The following ZFHX3 variants were observed in gnomAD, a reference collection of about 807,000 sequenced individuals.
ZFHX3 encodes the protein zinc finger homeobox 3.
Under a neutral mutation model 279.1 loss-of-function variants are expected in ZFHX3, and 42 were observed. The observed-to-expected ratio is 0.15, with a 90% CI of 0.12 to 0.19. ZFHX3 has a LOEUF of 0.19. Ranked by LOEUF, ZFHX3 falls within the 10% of genes least tolerant of loss-of-function variation. The pLI, the probability that ZFHX3 is intolerant of heterozygous loss-of-function variation, is 1.00. For missense variants in ZFHX3, 4,981 were observed against 4,754.0 expected, an observed-to-expected ratio of 1.05 and a Z score of -1.40; for synonymous variants, 2,293 against 1,957.8, an observed-to-expected ratio of 1.17 and a Z score of -4.52.
intron 3 of ZFHX3, among the ~76,000 whole-genome samples, chr16:73,427,929 C>T (rs549784332): frequency 5.9e-5 from 9 of 152,098 alleles, no homozygotes; most frequent in East Asian, 1.9e-4. Flanking sequence ...GGCGACAGAG[C>T]GAGACTCTGT....
chr16:73,435,006 T>C lies in ZFHX3; in HGVS notation c.-1291+20997A>G, dbSNP rs555947807. On this transcript the variant is annotated intron_variant, in intron 3 of 17. Transcript: ENST00000641206. ...CAGGAAGTAAATAGGACTCAATACATGTTATCAGTGATATTATGATGTTAT... is the reference window on the plus strand; with the variant it reads ...CAGGAAGTAAATAGGACTCAATACACGTTATCAGTGATATTATGATGTTAT... Among the ~76,000 whole-genome samples the C allele has an allele frequency of 2.7e-3, 407 of 152,184 alleles. 1 individual carries two copies. The highest frequency in any genetic ancestry group is 9.0e-3 in the African/African-American group (373 of 41,518).
Position 72,889,951 on chromosome 16 carries a change from C to G in ZFHX3, c.3228G>C (p.Gln1076His), listed in dbSNP as rs1453668607. 1 of 1,613,414 alleles carries G rather than the reference C, an allele frequency of 6.2e-7. No homozygotes were observed. ...ASLKLYKHLQ[Q>H]HESGVEGESC... ...TCTCACCTTCTACACCACTCTCATGCTGCTGCAGGTGCTGCAAGTAACAAA... is the reference window on the plus strand; with the variant it reads ...TCTCACCTTCTACACCACTCTCATGGTGCTGCAGGTGCTGCAAGTAACAAA... Residue 1076 changes from glutamine to histidine, a missense_variant, in exon 4 of 10, where the codon CAG becomes CAC. By Grantham distance (24) the Gln-to-His change is conservative. Transcript: ENST00000268489.
intron 1 of ZFHX3, among the ~76,000 whole-genome samples, chr16:73,720,763 T>C (rs1448563149): frequency 6.6e-6 from 1 of 152,222 alleles, no homozygotes; most frequent in Non-Finnish European, 1.5e-5. Flanking sequence ...AGTGAGCCAT[T>C]TCTTTCAACA....
intron 5 of ZFHX3, among the ~76,000 whole-genome samples, chr16:73,243,726 A>G (rs373167306): frequency 1.3e-5 from 2 of 151,438 alleles, no homozygotes; most frequent in African/African-American, 4.9e-5. Context: ...ACAAATACAC[A>G]TAAGTATCCA....
intron 1 of ZFHX3, among the ~76,000 whole-genome samples, chr16:73,804,252 A>T (rs1277541231): frequency 6.6e-6 from 1 of 152,246 alleles, no homozygotes; most frequent in Non-Finnish European, 1.5e-5. Context: ...CTATACACAT[A>T]ATTATATATT....
At chr16:73,518,861 C>A (rs977253237) in intron 2 of ZFHX3, among the ~76,000 whole-genome samples, 1 of 152,130 alleles carries the variant, frequency 6.6e-6, no homozygotes, top group Non-Finnish European at 1.5e-5. Context: ...CATGTCTTCC[C>A]AGCTAAACAG....
intron 2 of ZFHX3, among the ~76,000 whole-genome samples, chr16:73,496,475 G>A (rs1026987308): frequency 2.0e-5 from 3 of 152,318 alleles, no homozygotes; most frequent in Admixed American, 1.3e-4. Flanking sequence ...AGGTTGCAGT[G>A]AGCCAAGATC....
intron 5 of ZFHX3, among the ~76,000 whole-genome samples, chr16:73,242,923 T>C (rs564148725): frequency 6.6e-6 from 1 of 152,160 alleles, no homozygotes; most frequent in Non-Finnish European, 1.5e-5. Flanking sequence ...GAATAATGAA[T>C]CACGAGGCAT....
At chr16:72,904,783 G>A (rs1467320128) in intron 3 of ZFHX3, among the ~76,000 whole-genome samples, 1 of 151,506 alleles carries the variant, frequency 6.6e-6, no homozygotes, top group Non-Finnish European at 1.5e-5. Context: ...TGTGGGGGGG[G>A]TCCCACAGCA....
chr16:73,105,127 C>T (rs775474984), intron 7 of ZFHX3, among the ~76,000 whole-genome samples: 6 of 151,884 alleles, frequency 4.0e-5, no homozygotes, highest in Non-Finnish European at 5.9e-5. Flanking sequence ...GTTGCTGGGC[C>T]AGGAGTGGTG....
At position 72,788,578 on chromosome 16, in the gene ZFHX3, T is replaced by A; in HGVS notation, c.9698A>T (p.Lys3233Met). Residue 3233 changes from lysine to methionine, a missense_variant, in exon 10 of 10, where the codon AAG becomes ATG. Transcript: ENST00000268489. ...QLPLQQQQQR[K>M]DKDSEKVKEK... ...CTTTACTTTCTCACTGTCTTTGTCC[T>A]TGCGTTGCTGCTGCTGTTGCAGTGG... is the stretch of plus-strand genomic sequence containing the variant. 6.2e-7 allele frequency: 1 copy of A among 1,614,098 alleles called. No individual in the cohort carries two copies. Among genetic ancestry groups the A allele is most frequent in the Non-Finnish European group, 8.5e-7 (1 of 1,180,004 alleles).
At chr16:73,106,593 T>C (rs1966308015) in intron 7 of ZFHX3, among the ~76,000 whole-genome samples, 2 of 152,330 alleles carry the variant, frequency 1.3e-5, no homozygotes, top group African/African-American at 4.8e-5. Flanking sequence ...GCTAGTTTCA[T>C]GCAAGATGCA....
intron 1 of ZFHX3, among the ~76,000 whole-genome samples, chr16:73,009,266 G>T (rs565124136): frequency 6.6e-6 from 1 of 151,262 alleles, no homozygotes; most frequent in East Asian, 1.9e-4. Context: ...TCCAATTTAC[G>T]TTGAAGAAAT....
At chr16:73,609,237 C>T (rs1305323205) in intron 2 of ZFHX3, 1 of 152,174 alleles carries the variant, frequency 6.6e-6, no homozygotes, top group Non-Finnish European at 1.5e-5. Flanking sequence ...ATCATCGCTC[C>T]ATCATTTGAT....
chr16:73,520,341 T>A (rs2019590361), intron 2 of ZFHX3, among the ~76,000 whole-genome samples: 2 of 152,216 alleles, frequency 1.3e-5, no homozygotes, highest in African/African-American at 2.4e-5. Context: ...TTTGTCTTCA[T>A]CTAAGATGAA....
chr16:72,920,772 T>G (rs2039564776), intron 3 of ZFHX3, among the ~76,000 whole-genome samples: 1 of 150,914 alleles, frequency 6.6e-6, no homozygotes, highest in Admixed American at 6.6e-5. Context: ...CTTTTTTAGC[T>G]TTTAAAGCAA....
intron 7 of ZFHX3, among the ~76,000 whole-genome samples, chr16:73,128,021 G>A (rs1347615619): frequency 2.0e-5 from 3 of 152,180 alleles, no homozygotes; most frequent in African/African-American, 7.2e-5. Context: ...ATATGGATAA[G>A]AGTGAAACTA....
intron 1 of ZFHX3, chr16:73,815,541 T>C (rs1007310315): frequency 6.6e-6 from 1 of 152,006 alleles, no homozygotes; most frequent in Non-Finnish European, 1.5e-5. Context: ...ATCTACTGTT[T>C]ACCTATTTTC....
At chr16:73,745,034 A>G (rs1322332342) in intron 1 of ZFHX3, among the ~76,000 whole-genome samples, 1 of 151,994 alleles carries the variant, frequency 6.6e-6, no homozygotes, top group African/African-American at 2.4e-5. Flanking sequence ...AAACCCTTCA[A>G]TTTTTTTTGA....
Sources: allele counts gnomAD v4.1 joint callset (sites outside exome capture counted in the v4.1 genomes callset), GRCh38; gene constraint gnomAD v4.1.1; transcripts MANE v1.5; gene names NCBI Gene and HGNC (gene_info 2026-07-23, HGNC 2026-07-21).